The following C12orf42 variants were observed in gnomAD, a reference collection of about 807,000 sequenced individuals.
C12orf42 encodes chromosome 12 open reading frame 42.
A neutral mutation model predicts 21.6 loss-of-function variants in C12orf42; 25 were observed. The ratio of observed to expected loss-of-function variants is 1.16; its 90% CI spans 0.84 to 1.62. The LOEUF (loss-of-function observed/expected upper bound fraction) is 1.62. C12orf42 is among the 40% of genes most tolerant of loss of function. C12orf42 has a pLI of 0.00. For synonymous variants in C12orf42, 174 were observed against 175.0 expected (o/e 0.99, Z 0.05); for missense variants, 483 against 459.3 (o/e 1.05, Z -0.47).
chr12:103,386,082 T>C (rs1162086367), intron 3 of C12orf42, among the ~76,000 whole-genome samples: 6 of 152,206 alleles, frequency 3.9e-5, no homozygotes, highest in Admixed American at 3.9e-4. Flanking sequence ...CCGTATTAGG[T>C]TGGTGTTATT....
chr12:103,186,222 C>T, the C12orf42 span, among the ~76,000 whole-genome samples: 1 of 152,170 alleles, frequency 6.6e-6, no homozygotes, highest in African/African-American at 2.4e-5. Context: ...TGGCTATAGG[C>T]TTTTAGGACT....
intron 2 of C12orf42, among the ~76,000 whole-genome samples, chr12:103,417,962 A>G (rs2049513918): frequency 6.6e-6 from 1 of 152,262 alleles, no homozygotes; most frequent in Non-Finnish European, 1.5e-5. Flanking sequence ...GGCAAAGAAT[A>G]TCCATTAACT....
chr12:103,469,796 C>T lies in C12orf42; in HGVS notation c.78+8553G>A, dbSNP rs773860064. 2.0e-5 allele frequency among the ~76,000 whole-genome samples: 3 copies of T among 152,192 alleles called. 1 individual carries two copies. The highest frequency in any genetic ancestry group is 1.5e-5 in the Non-Finnish European group (1 of 68,032). On this transcript the variant is annotated intron_variant, in intron 2 of 5. Coordinates refer to ENST00000548883, the MANE Select transcript of C12orf42 (RefSeq NM_198521.5). Reference sequence around the variant, plus strand: ...ATCGATTAGACAGTGTGTTCAGCCACGTGGTAGGAGAGGCCTTTATTAATG... The same window carrying T: ...ATCGATTAGACAGTGTGTTCAGCCATGTGGTAGGAGAGGCCTTTATTAATG...
At chr12:103,282,666 G>C (rs1248415018) in intron 4 of C12orf42, among the ~76,000 whole-genome samples, 1 of 152,130 alleles carries the variant, frequency 6.6e-6, no homozygotes, top group African/African-American at 2.4e-5. Flanking sequence ...ATGGCTATAT[G>C]CTGTTATTAT....
At chr12:103,445,273 A>G (rs977076063) in intron 2 of C12orf42, among the ~76,000 whole-genome samples, 5 of 152,052 alleles carry the variant, frequency 3.3e-5, no homozygotes, top group African/African-American at 1.2e-4. Context: ...GTTGGTGGGG[A>G]AAAATCCCAC....
At chr12:103,509,080 G>A in the C12orf42 span, among the ~76,000 whole-genome samples, 4 of 152,130 alleles carry the variant, frequency 2.6e-5, no homozygotes, top group Non-Finnish European at 4.4e-5. Flanking sequence ...AATAGGTGAC[G>A]GAGGTGGTGT....
the C12orf42 span, among the ~76,000 whole-genome samples, chr12:103,200,545 T>A: frequency 6.6e-6 from 1 of 152,358 alleles, no homozygotes; most frequent in East Asian, 1.9e-4. Context: ...GATAGTTTAA[T>A]GGCATAGATT....
chr12:103,196,842 T>C, the C12orf42 span, among the ~76,000 whole-genome samples: 6 of 152,108 alleles, frequency 3.9e-5, no homozygotes, highest in East Asian at 1.2e-3. Flanking sequence ...GAAGATAATA[T>C]ACAGTTGGGT....
chr12:103,520,552 A>G, the C12orf42 span, among the ~76,000 whole-genome samples: 1 of 151,586 alleles, frequency 6.6e-6, no homozygotes, highest in Non-Finnish European at 1.5e-5. Flanking sequence ...CAACAACAAC[A>G]ACAAATCTTT....
At chr12:103,091,895 T>G in the C12orf42 span, among the ~76,000 whole-genome samples, 2 of 152,166 alleles carry the variant, frequency 1.3e-5, no homozygotes, top group Non-Finnish European at 2.9e-5. Flanking sequence ...CTATTTAATT[T>G]ATTGGTTTGT....
chr12:103,266,075 T>C (rs747024274), downstream of C12orf42, among the ~76,000 whole-genome samples: 2 of 152,170 alleles, frequency 1.3e-5, no homozygotes, highest in Non-Finnish European at 2.9e-5. Flanking sequence ...GTACTGTTTA[T>C]GCTCTCTGAG....
chr12:103,513,281 G>A, the C12orf42 span, among the ~76,000 whole-genome samples: 1 of 152,088 alleles, frequency 6.6e-6, no homozygotes, highest in Non-Finnish European at 1.5e-5. Context: ...GGTAGAAGGA[G>A]AACCTATAGC....
chr12:103,408,610 T>G (rs1175718091), intron 2 of C12orf42, among the ~76,000 whole-genome samples: 1 of 152,186 alleles, frequency 6.6e-6, no homozygotes, highest in Non-Finnish European at 1.5e-5. Flanking sequence ...TAAAACTGAT[T>G]CCTCCATTTG....
At chr12:103,174,875 A>G in the C12orf42 span, among the ~76,000 whole-genome samples, 1 of 152,168 alleles carries the variant, frequency 6.6e-6, no homozygotes. Context: ...ACTCCAAATG[A>G]ACCAATATAA....
At chr12:103,068,969 A>ATATATATATATATATG in the C12orf42 span, among the ~76,000 whole-genome samples, 2 of 91,716 alleles carry the variant, frequency 2.2e-5, no homozygotes, top group Non-Finnish European at 4.2e-5. Context: ...ATATATATAT[A>ATATATATATATATATG]TATATATATA....
downstream of C12orf42, among the ~76,000 whole-genome samples, chr12:103,264,369 G>C (rs769173315): frequency 2.6e-5 from 4 of 152,130 alleles, no homozygotes; most frequent in Non-Finnish European, 5.9e-5. Context: ...GTTTAATTCA[G>C]AGTGGGCTGC....
At chr12:103,220,925 TCTAA>T in the C12orf42 span, among the ~76,000 whole-genome samples, 1 of 152,334 alleles carries the variant, frequency 6.6e-6, no homozygotes, top group Non-Finnish European at 1.5e-5. Flanking sequence ...ATTTCTAATC[TCTAA>T]CTGACTATTT....
intron 4 of C12orf42, among the ~76,000 whole-genome samples, chr12:103,347,530 G>A (rs921282716): frequency 6.6e-6 from 1 of 152,106 alleles, no homozygotes; most frequent in Non-Finnish European, 1.5e-5. Context: ...AAGAAATGTA[G>A]ACAAGGTTAC....
In C12orf42 at chr12:103,375,818, G is replaced by A. The variant is rs559256657; in HGVS notation, c.148-6820C>T. On this transcript the variant is annotated intron_variant, in intron 3 of 5. Coordinates refer to ENST00000548883, the MANE Select transcript of C12orf42 (RefSeq NM_198521.5). Reference sequence around the variant, plus strand: ...TGACTGTCTCTATACAATTTTTAAGGCTAAGCCTTACATTCTCATAGTCAA... The same window carrying A: ...TGACTGTCTCTATACAATTTTTAAGACTAAGCCTTACATTCTCATAGTCAA... Among the ~76,000 whole-genome samples, 9 of 152,168 alleles carry A rather than the reference G, an allele frequency of 5.9e-5. No individual in the cohort carries two copies. In the South Asian group the frequency reaches 1.9e-3, roughly 32 times the overall value.
Sources: allele counts gnomAD v4.1 joint callset (sites outside exome capture counted in the v4.1 genomes callset), GRCh38; gene constraint gnomAD v4.1.1; transcripts MANE v1.5; gene names NCBI Gene and HGNC (gene_info 2026-07-23, HGNC 2026-07-21).